Variants in PDE4D observed in about 807,000 individuals in gnomAD.
PDE4D encodes the protein phosphodiesterase 4D.
PDE4D carries 24 observed loss-of-function variants against 87.4 expected under a neutral mutation model. That is an observed-to-expected ratio of 0.27 (90% confidence interval 0.20 to 0.39). The LOEUF (loss-of-function observed/expected upper bound fraction) is 0.39. Ranked by LOEUF, PDE4D falls within the 10% of genes least tolerant of loss-of-function variation. The pLI, the probability that PDE4D is intolerant of heterozygous loss-of-function variation, is 1.00. For missense variants in PDE4D, 714 were observed against 1,041.0 expected (o/e 0.69, Z 4.32); for synonymous variants, 384 against 383.2 (o/e 1.00, Z -0.02).
intron 1 of PDE4D, among the ~76,000 whole-genome samples, chr5:60,314,230 G>A (rs1018003410): frequency 9.3e-5 from 14 of 151,068 alleles, no homozygotes; most frequent in African/African-American, 3.4e-4. Context: ...GCAGTTGCAC[G>A]ATCTCAGCTC....
At chr5:60,038,318 G>C (rs891896090) in intron 2 of PDE4D, among the ~76,000 whole-genome samples, 1 of 152,120 alleles carries the variant, frequency 6.6e-6, no homozygotes, top group African/African-American at 2.4e-5. Context: ...GTAAGGAAGG[G>C]ATCCAGTTTC....
At chr5:59,515,931 G>A (rs1811075275) in intron 1 of PDE4D, among the ~76,000 whole-genome samples, 1 of 152,132 alleles carries the variant, frequency 6.6e-6, no homozygotes, top group South Asian at 2.1e-4. Flanking sequence ...TTAGCCATAT[G>A]GGAAACATAC....
chr5:59,446,574 C>A (rs1284757043), intron 1 of PDE4D, among the ~76,000 whole-genome samples: 1 of 152,218 alleles, frequency 6.6e-6, no homozygotes, highest in Non-Finnish European at 1.5e-5. Context: ...ACTAGATAAA[C>A]CTTCAACAGA....
intron 1 of PDE4D, among the ~76,000 whole-genome samples, chr5:60,262,858 G>T (rs368228579): frequency 1.3e-5 from 2 of 152,228 alleles, no homozygotes; most frequent in Admixed American, 6.5e-5. Context: ...AGAGAGTGGA[G>T]AAAAATGCAG....
At chr5:59,128,962 A>T (rs997260367) in intron 5 of PDE4D, among the ~76,000 whole-genome samples, 4 of 152,240 alleles carry the variant, frequency 2.6e-5, no homozygotes, top group Non-Finnish European at 5.9e-5. Context: ...ATTAAGAGGC[A>T]GGACTGACAA....
intron 3 of PDE4D, among the ~76,000 whole-genome samples, chr5:59,921,007 A>G (rs971724629): frequency 3.3e-5 from 5 of 152,320 alleles, no homozygotes; most frequent in Admixed American, 1.3e-4. Flanking sequence ...TAGAACTTAA[A>G]GTATATTAAA....
At chr5:59,189,050 G>A (rs1048139925) in intron 3 of PDE4D, among the ~76,000 whole-genome samples, 1 of 152,106 alleles carries the variant, frequency 6.6e-6, no homozygotes, top group Non-Finnish European at 1.5e-5. Flanking sequence ...CCACAAGATC[G>A]TTGCTGCTGG....
chr5:59,559,178 C>G (rs1409110293), intron 1 of PDE4D, among the ~76,000 whole-genome samples: 1 of 152,150 alleles, frequency 6.6e-6, no homozygotes, highest in Non-Finnish European at 1.5e-5. Context: ...TAACATGGTA[C>G]CTGTCCATCC....
chr5:59,167,420 T>C (rs1388421536), intron 5 of PDE4D, among the ~76,000 whole-genome samples: 1 of 152,244 alleles, frequency 6.6e-6, no homozygotes, highest in Non-Finnish European at 1.5e-5. Flanking sequence ...ATCTTACTTG[T>C]CATTCAACTC....
chr5:59,384,921 T>A (rs986075967), intron 1 of PDE4D, among the ~76,000 whole-genome samples: 2 of 152,100 alleles, frequency 1.3e-5, no homozygotes, highest in Non-Finnish European at 2.9e-5. Flanking sequence ...GTTTACATAT[T>A]TTTACTATAT....
chr5:59,000,679 T>G (rs946403842), intron 6 of PDE4D, among the ~76,000 whole-genome samples: 1 of 152,104 alleles, frequency 6.6e-6, no homozygotes, highest in African/African-American at 2.4e-5. Flanking sequence ...TGTATTTTGA[T>G]CAGAAGAGAA....
rs117782273 is a variant in PDE4D at position 59,086,534 on chromosome 5, G to A, written c.809-47563C>T. On this transcript the variant is annotated intron_variant, in intron 5 of 14. Transcript: ENST00000340635. ...TGTTTTTTTAGTCTACTCATTGCCTGTGTGAGTACCTTCACCCCCAAAACT... is the reference window on the plus strand; with the variant it reads ...TGTTTTTTTAGTCTACTCATTGCCTATGTGAGTACCTTCACCCCCAAAACT... Among the ~76,000 whole-genome samples the A allele has an allele frequency of 2.0e-3, 298 of 152,110 alleles. 6 individuals are homozygous for A. In the East Asian group the frequency reaches 0.052, roughly 27 times the overall value.
chr5:59,488,710 G>A (rs1419184596), intron 1 of PDE4D, among the ~76,000 whole-genome samples: 1 of 150,422 alleles, frequency 6.6e-6, no homozygotes, highest in African/African-American at 2.5e-5. Context: ...TCTTCAGAGA[G>A]CTTTCCAAGT....
chr5:60,322,395 C>T (rs1021118417), intron 1 of PDE4D, among the ~76,000 whole-genome samples: 1 of 150,246 alleles, frequency 6.7e-6, no homozygotes, highest in South Asian at 2.2e-4. Flanking sequence ...CACACACACA[C>T]ACACACACAC....
At chr5:60,189,939 T>C (rs1785074350) in intron 1 of PDE4D, among the ~76,000 whole-genome samples, 1 of 152,170 alleles carries the variant, frequency 6.6e-6, no homozygotes, top group Non-Finnish European at 1.5e-5. Flanking sequence ...TACTGTTGTC[T>C]CCAACTCATC....
intron 1 of PDE4D, among the ~76,000 whole-genome samples, chr5:60,462,731 A>C (rs1046421625): frequency 6.6e-6 from 1 of 152,210 alleles, no homozygotes; most frequent in African/African-American, 2.4e-5. Flanking sequence ...GTCTTCCCTT[A>C]AGATGATCAT....
In PDE4D at chr5:59,981,893, C is replaced by T. The variant is rs116721358; in HGVS notation, c.272+6595G>A. 6.4e-3 allele frequency among the ~76,000 whole-genome samples: 971 copies of T among 152,162 alleles called. 10 individuals are homozygous for T. The highest frequency in any genetic ancestry group is 0.022 in the African/African-American group (931 of 41,524). On this transcript the variant is annotated intron_variant, in intron 3 of 16. Coordinates refer to the PDE4D transcript ENST00000502484. ...TGGATTTTGATTCAGGAATAAATTG[C>T]TGAAAACAATCTTTTTTTTAATGTT...
At chr5:60,244,916 C>G (rs1747577601) in intron 1 of PDE4D, among the ~76,000 whole-genome samples, 1 of 151,866 alleles carries the variant, frequency 6.6e-6, no homozygotes, top group Admixed American at 6.6e-5. Context: ...TCCACAAGCA[C>G]AGGCAACCAA....
At chr5:59,787,308 C>G (rs75088603) in intron 1 of PDE4D, among the ~76,000 whole-genome samples, 3,659 of 152,198 alleles carry the variant, frequency 0.024, 121 homozygotes, top group African/African-American at 0.073. Flanking sequence ...ATTTAGTTGC[C>G]GACATGCCAT....
Sources: allele counts gnomAD v4.1 joint callset (sites outside exome capture counted in the v4.1 genomes callset), GRCh38; gene constraint gnomAD v4.1.1; transcripts MANE v1.5; gene names NCBI Gene and HGNC (gene_info 2026-07-23, HGNC 2026-07-21).